XRN2: variants seen among roughly 807,000 people sequenced by gnomAD.
The protein encoded by XRN2 is 5'-3' exoribonuclease 2.
Under a neutral mutation model 138.5 loss-of-function variants are expected in XRN2, and 44 were observed. The ratio of observed to expected loss-of-function variants is 0.32; its 90% CI spans 0.25 to 0.41. The LOEUF is 0.41. XRN2 is among the 10% of genes least tolerant of loss of function. XRN2 has a pLI of 1.00. For missense variants in XRN2, 937 were observed against 1,169.3 expected, an observed-to-expected ratio of 0.80 and a Z score of 2.90; for synonymous variants, 354 against 369.4, an observed-to-expected ratio of 0.96 and a Z score of 0.48.
At chr20:21,347,047 A>T (rs1272342970) in intron 17 of XRN2, among the ~76,000 whole-genome samples, 3 of 152,190 alleles carry the variant, frequency 2.0e-5, no homozygotes. Context: ...AGTTTCTTAG[A>T]TATTAATATA....
intron 1 of XRN2, among the ~76,000 whole-genome samples, chr20:21,304,393 A>T (rs896742437): frequency 4.0e-5 from 6 of 151,708 alleles, no homozygotes; most frequent in Admixed American, 3.3e-4. Context: ...CCAAGGAGGA[A>T]CCAAAAGCCT....
At chr20:21,319,617 C>T (rs191135362) in intron 1 of XRN2, among the ~76,000 whole-genome samples, 138 of 152,098 alleles carry the variant, frequency 9.1e-4, no homozygotes, top group African/African-American at 3.3e-3. Flanking sequence ...CCCTATGTAT[C>T]TTGCTAGAAT....
At chr20:21,312,757 C>T (rs2037900463) in intron 1 of XRN2, among the ~76,000 whole-genome samples, 1 of 152,084 alleles carries the variant, frequency 6.6e-6, no homozygotes, top group African/African-American at 2.4e-5. Context: ...CCAGTGTGCA[C>T]CATGACGCCT....
chr20:21,376,650 G>A (rs545298299), intron 27 of XRN2, among the ~76,000 whole-genome samples: 1 of 152,288 alleles, frequency 6.6e-6, no homozygotes, highest in African/African-American at 2.4e-5. Flanking sequence ...TCCAAAGTCC[G>A]GAAGGTGGGA....
intron 19 of XRN2, 80 bp downstream of exon 19, chr20:21,348,510 G>A: frequency 7.7e-7 from 1 of 1,295,286 alleles, no homozygotes; most frequent in Non-Finnish European, 1.1e-6. Flanking sequence ...TGCTTTTGCA[G>A]CTGATAGTTA....
chr20:21,305,553 CTTTTTT>C (rs1180206108), intron 1 of XRN2, among the ~76,000 whole-genome samples: 1 of 19,842 alleles, frequency 5.0e-5, no homozygotes, highest in Admixed American at 7.9e-4. Context: ...CATACGTGGC[CTTTTTT>C]TTTTTTTTTT....
At chr20:21,343,473 CTG>C (rs543990453) in intron 15 of XRN2, among the ~76,000 whole-genome samples, 1 of 151,804 alleles carries the variant, frequency 6.6e-6, no homozygotes, top group Non-Finnish European at 1.5e-5. Flanking sequence ...ATTTTTAAAA[CTG>C]AACATATAAA....
intron 1 of XRN2, among the ~76,000 whole-genome samples, chr20:21,311,553 C>G (rs2037880976): frequency 6.6e-6 from 1 of 152,060 alleles, no homozygotes; most frequent in South Asian, 2.1e-4. Flanking sequence ...TTTTTTAGTC[C>G]CTGCTTTCAG....
chr20:21,316,015 G>A lies in XRN2; in HGVS notation c.76-10264G>A, dbSNP rs555119712. On this transcript the variant is annotated intron_variant, in intron 1 of 29. Coordinates refer to ENST00000377191, the MANE Select transcript of XRN2 (RefSeq NM_012255.5). ...CGCTTGTAATCGCAGCACTTTGGGA[G>A]GCTGAGGTGGGCAGATCACTTGAGG... Among the ~76,000 whole-genome samples the A allele has an allele frequency of 5.1e-3, 772 of 152,286 alleles. 10 individuals are homozygous for A. Among genetic ancestry groups the A allele is most frequent in the Non-Finnish European group, 5.4e-3 (364 of 68,030 alleles).
chr20:21,338,933 C>A, intron 13 of XRN2, 111 bp from the exon 14 acceptor site: 1 of 961,886 alleles, frequency 1.0e-6, no homozygotes, highest in South Asian at 1.4e-5. Context: ...ACCTAGATTT[C>A]TGGGGTCGTC....
intron 24 of XRN2, among the ~76,000 whole-genome samples, chr20:21,362,615 C>T (rs968985801): frequency 2.0e-5 from 3 of 152,186 alleles, no homozygotes; most frequent in Non-Finnish European, 2.9e-5. Context: ...ATCACTTTCA[C>T]GTCCTCATTG....
At chr20:21,328,520 AT>A in intron 3 of XRN2, 38 bp from the exon 4 acceptor site, 1 of 1,567,766 alleles carries the variant, frequency 6.4e-7, no homozygotes, top group South Asian at 1.1e-5. Context: ...ATTTGTGAAT[AT>A]TTTGATGAGT....
In XRN2 at chr20:21,333,738, C is replaced by G. The variant is rs2038247748; in HGVS notation, c.968C>G (p.Pro323Arg). Residue 323 changes from proline to arginine, a missense_variant, in exon 11 of 30, where the codon CCA becomes CGA. Pro to Arg is a moderately radical substitution (Grantham distance 103). Coordinates refer to ENST00000377191, the MANE Select transcript of XRN2 (RefSeq NM_012255.5). ...AGAGAACTCACAATGGCCAGCCTACCATTCACATTTGATGTTGAGAGGAGC... is the reference window on the plus strand; with the variant it reads ...AGAGAACTCACAATGGCCAGCCTACGATTCACATTTGATGTTGAGAGGAGC... The part of the protein sequence containing the change: ...LERELTMASL[P>R]FTFDVERSID... 4 of 1,614,118 alleles carry G rather than the reference C, an allele frequency of 2.5e-6. No homozygotes were observed. Among genetic ancestry groups the G allele is most frequent in the Non-Finnish European group, 2.5e-6 (3 of 1,180,004 alleles).
intron 20 of XRN2, among the ~76,000 whole-genome samples, chr20:21,353,818 T>C (rs1256969302): frequency 6.6e-6 from 1 of 151,514 alleles, no homozygotes; most frequent in Non-Finnish European, 1.5e-5. Context: ...AAACAACTGT[T>C]ACTAGGTAGT....
In XRN2 at chr20:21,313,870, T is replaced by C. The variant is rs543550694; in HGVS notation, c.75+10397T>C. On this transcript the variant is annotated intron_variant, in intron 1 of 29. Coordinates refer to ENST00000377191, the MANE Select transcript of XRN2 (RefSeq NM_012255.5). ...ATCCTTGACCCTACATTCTATTTTCTCTAATATGATTATTTCTTTGGAGCT... is the reference window on the plus strand; with the variant it reads ...ATCCTTGACCCTACATTCTATTTTCCCTAATATGATTATTTCTTTGGAGCT... Among the ~76,000 whole-genome samples the C allele has an allele frequency of 1.1e-4, 17 of 152,362 alleles. No individual in the cohort carries two copies. In the South Asian group the frequency reaches 3.5e-3, roughly 32 times the overall value.
rs756100274 is a variant in XRN2 at position 21,382,017 on chromosome 20, C to A, written c.2608C>A (p.Arg870=). The change falls in exon 28 of 30, where the codon CGA becomes AGA. Residue 870 remains arginine, a synonymous_variant. Transcript: ENST00000377191. ...MSNMRPQDSW[R]GPPPLFQQQR... ...AGATATGAGGCCCCAGGATTCCTGG[C>A]GAGGTCCTCCTCCCCTTTTCCAGCA... is the stretch of plus-strand genomic sequence containing the variant. 2.5e-6 allele frequency: 4 copies of A among 1,607,204 alleles called. No individual in the cohort carries two copies. Among genetic ancestry groups the A allele is most frequent in the Non-Finnish European group, 3.4e-6 (4 of 1,176,032 alleles).
intron 27 of XRN2, among the ~76,000 whole-genome samples, chr20:21,372,256 G>T (rs2038771875): frequency 6.6e-6 from 1 of 152,122 alleles, no homozygotes; most frequent in South Asian, 2.1e-4. Flanking sequence ...GAGTGAAAAA[G>T]TTTATGGACA....
intron 13 of XRN2, among the ~76,000 whole-genome samples, chr20:21,337,366 T>G (rs1013768054): frequency 1.3e-5 from 2 of 151,552 alleles, no homozygotes; most frequent in Non-Finnish European, 2.9e-5. Context: ...AAACATAGAG[T>G]GTAAGAGAAG....
intron 24 of XRN2, among the ~76,000 whole-genome samples, chr20:21,363,675 A>C (rs1329040834): frequency 6.6e-6 from 1 of 152,242 alleles, no homozygotes; most frequent in Non-Finnish European, 1.5e-5. Context: ...AATTTCTGTA[A>C]AGCAGATAGA....
Sources: gnomAD v4.1 joint callset for allele counts (sites outside exome capture counted in the v4.1 genomes callset) on GRCh38, gnomAD v4.1.1 for gene constraint, MANE v1.5 for transcripts, NCBI Gene and HGNC (gene_info 2026-07-23, HGNC 2026-07-21) for gene names.